Variants in LRRC7 observed in about 807,000 individuals in gnomAD.
The protein encoded by LRRC7 is leucine rich repeat containing 7, also known as leucine-rich repeat-containing protein 7.
Under a neutral mutation model 175.7 loss-of-function variants are expected in LRRC7, and 23 were observed. That is an observed-to-expected ratio of 0.13 (90% CI 0.09 to 0.19). LRRC7 has a LOEUF of 0.19. LRRC7 is among the 10% of genes least tolerant of loss of function. LRRC7 has a pLI of 1.00. For missense variants in LRRC7, 1,354 were observed against 1,904.7 expected, an observed-to-expected ratio of 0.71 and a Z score of 5.38; for synonymous variants, 685 against 680.9, an observed-to-expected ratio of 1.01 and a Z score of -0.09.
At chr1:69,652,411 T>C (rs565366849) in intron 1 of LRRC7, among the ~76,000 whole-genome samples, 30 of 152,126 alleles carry the variant, frequency 2.0e-4, no homozygotes, top group African/African-American at 7.0e-4. Context: ...CAAAAATAAT[T>C]AGGGAAGCAA....
In LRRC7 at chr1:70,136,684, C is replaced by T. The variant is rs1033657838; in HGVS notation, c.*14797C>T. On this transcript the variant is annotated 3_prime_UTR_variant, in exon 27 of 27. Coordinates refer to ENST00000651989, the MANE Select transcript of LRRC7 (RefSeq NM_001370785.2). ...CTTCTCTCACAGTTTAATAAAATGG[C>T]AAATGCTTTCTTTCTGCTTTATTGC... Among the ~76,000 whole-genome samples the T allele has an allele frequency of 1.3e-5, 2 of 149,044 alleles. No homozygotes were observed. The highest frequency in any genetic ancestry group is 1.3e-4 in the Admixed American group (2 of 14,826).
intron 8 of LRRC7, among the ~76,000 whole-genome samples, chr1:69,976,620 G>A (rs72943291): frequency 0.018 from 2,712 of 152,212 alleles, 87 homozygotes; most frequent in African/African-American, 0.062. Flanking sequence ...GGGTATCCTC[G>A]ATCTCTTATT....
rs1444556238 is a variant in LRRC7, at chr1:70,135,968, G to A, written c.*14081G>A. Among the ~76,000 whole-genome samples the A allele has an allele frequency of 6.6e-6, 1 of 152,082 alleles. No individual in the cohort carries two copies. The highest frequency in any genetic ancestry group is 1.5e-5 in the Non-Finnish European group (1 of 68,014). ...ACTGCTATATTCTTTATAAAACCAT[G>A]AATGTTGCTAGCAAACAGTTCAGGC... On this transcript the variant is annotated 3_prime_UTR_variant, in exon 27 of 27. Transcript: ENST00000651989.
At position 70,125,648 on chromosome 1, in the gene LRRC7, C is replaced by T. The variant is rs1217651159; in HGVS notation, c.*3761C>T. 6.6e-6 allele frequency among the ~76,000 whole-genome samples: 1 copy of T among 150,662 alleles called. No homozygotes were observed. The highest frequency in any genetic ancestry group is 2.4e-5 in the African/African-American group (1 of 40,996). ...TCTACTAAAAATACAAAAAATTAGCCGGGCGTAGTGGCGGGCGCCTGTAGT... is the reference window on the plus strand; with the variant it reads ...TCTACTAAAAATACAAAAAATTAGCTGGGCGTAGTGGCGGGCGCCTGTAGT... On this transcript the variant is annotated 3_prime_UTR_variant, in exon 27 of 27. Transcript: ENST00000651989.
chr1:69,767,188 T>C (rs1042638111), intron 3 of LRRC7, among the ~76,000 whole-genome samples: 1 of 152,186 alleles, frequency 6.6e-6, no homozygotes, highest in Non-Finnish European at 1.5e-5. Context: ...ATCCATGCCA[T>C]AGCATGTGTC....
At chr1:69,653,286 T>TC (rs150046330) in intron 1 of LRRC7, among the ~76,000 whole-genome samples, 28,463 of 149,138 alleles carry the variant, frequency 0.19, 3,014 homozygotes, top group South Asian at 0.29. Flanking sequence ...TTAAAAACTT[T>TC]TTTTTAATTT....
rs148538957 is a variant in LRRC7 at position 70,135,889 on chromosome 1, T to C, written c.*14002T>C. On this transcript the variant is annotated 3_prime_UTR_variant, in exon 27 of 27. Coordinates refer to ENST00000651989, the MANE Select transcript of LRRC7 (RefSeq NM_001370785.2). ...GACTAAGCAACGGGTATCTTGCACT[T>C]GATAGGTTCTCACAGTCTCATTATG... Among the ~76,000 whole-genome samples, 1 of 152,300 alleles carries C rather than the reference T, an allele frequency of 6.6e-6. No homozygotes were observed. The highest frequency in any genetic ancestry group is 1.9e-4 in the East Asian group (1 of 5,186).
chr1:69,909,127 T>C (rs1012802952), intron 7 of LRRC7, among the ~76,000 whole-genome samples: 1 of 152,100 alleles, frequency 6.6e-6, no homozygotes, highest in African/African-American at 2.4e-5. Context: ...GTTTGGTAGA[T>C]CTTCCTCCAT....
rs1275817578 is a variant in LRRC7, at chr1:70,076,072, C to T, written c.4231-5C>T. 2.5e-6 allele frequency: 4 copies of T among 1,612,960 alleles called. No homozygotes were observed. The highest frequency in any genetic ancestry group is 1.1e-5 in the South Asian group (1 of 91,022). ...TCTTTGCCTGACAGATTATCTTCTCCACAGGCAGGCAGCCACATCCAGACG... is the reference window on the plus strand; with the variant it reads ...TCTTTGCCTGACAGATTATCTTCTCTACAGGCAGGCAGCCACATCCAGACG... On this transcript the variant is annotated splice_polypyrimidine_tract_variant and splice_region_variant and intron_variant, in intron 23 of 26. Coordinates refer to ENST00000651989, the MANE Select transcript of LRRC7 (RefSeq NM_001370785.2).
intron 4 of LRRC7, among the ~76,000 whole-genome samples, chr1:69,818,182 C>A (rs1678820143): frequency 6.6e-6 from 1 of 152,108 alleles, no homozygotes; most frequent in Non-Finnish European, 1.5e-5. Context: ...TCATCCTTGT[C>A]ATGTTCCTGT....
chr1:70,038,008 GA>G, intron 20 of LRRC7, 104 bp from the exon 21 acceptor site: 1 of 1,084,084 alleles, frequency 9.2e-7, no homozygotes, highest in South Asian at 1.9e-5. Flanking sequence ...GAGGATTATT[GA>G]TCAGTTAAAC....
At chr1:69,935,364 G>A (rs550533104) in intron 8 of LRRC7, among the ~76,000 whole-genome samples, 9 of 152,086 alleles carry the variant, frequency 5.9e-5, no homozygotes, top group South Asian at 2.1e-4. Flanking sequence ...ATACATACTG[G>A]TTATATGTGT....
intron 25 of LRRC7, among the ~76,000 whole-genome samples, chr1:70,106,460 C>T (rs1381626548): frequency 6.6e-6 from 1 of 152,158 alleles, no homozygotes; most frequent in Non-Finnish European, 1.5e-5. Flanking sequence ...TATGTTGTAG[C>T]ATGTTTCCAT....
intron 3 of LRRC7, among the ~76,000 whole-genome samples, chr1:69,771,461 C>T (rs1416601578): frequency 2.6e-5 from 4 of 152,094 alleles, no homozygotes; most frequent in Non-Finnish European, 5.9e-5. Context: ...TAATCTTCTA[C>T]AAGTTTATAA....
chr1:69,689,645 GACTATT>G (rs1450080273), intron 2 of LRRC7, among the ~76,000 whole-genome samples: 1 of 152,040 alleles, frequency 6.6e-6, no homozygotes, highest in Non-Finnish European at 1.5e-5. Context: ...TCATTAAGAT[GACTATT>G]ACTAAGTTTT....
At chr1:69,958,074 C>A (rs976914859) in intron 8 of LRRC7, among the ~76,000 whole-genome samples, 24 of 151,878 alleles carry the variant, frequency 1.6e-4, no homozygotes, top group African/African-American at 5.8e-4. Flanking sequence ...TTAATGAACA[C>A]CTATATATCA....
chr1:69,685,120 G>C (rs1483506819), intron 2 of LRRC7, among the ~76,000 whole-genome samples: 1 of 152,058 alleles, frequency 6.6e-6, no homozygotes, highest in Non-Finnish European at 1.5e-5. Context: ...CAGAAGCCCC[G>C]ACAGTGCCAG....
chr1:69,600,931 C>A, intron 1 of LRRC7, among the ~76,000 whole-genome samples: 1 of 147,440 alleles, frequency 6.8e-6, no homozygotes, highest in African/African-American at 2.5e-5. Flanking sequence ...CCTGCCTCAA[C>A]CTCCTGAGTA....
At chr1:69,757,671 T>C (rs1371213365) in intron 2 of LRRC7, among the ~76,000 whole-genome samples, 6 of 151,934 alleles carry the variant, frequency 3.9e-5, no homozygotes, top group African/African-American at 1.2e-4. Context: ...ATTGTGTTTT[T>C]CCTCTTAGTT....
Sources: gnomAD v4.1 joint callset for allele counts (sites outside exome capture counted in the v4.1 genomes callset) on GRCh38, gnomAD v4.1.1 for gene constraint, MANE v1.5 for transcripts, NCBI Gene and HGNC (gene_info 2026-07-23, HGNC 2026-07-21) for gene names.